GALNTL6: variants seen among roughly 807,000 people sequenced by gnomAD.
GALNTL6 encodes polypeptide N-acetylgalactosaminyltransferase like 6, also known as polypeptide N-acetylgalactosaminyltransferase-like 6.
A neutral mutation model predicts 73.7 loss-of-function variants in GALNTL6; 46 were observed. The observed-to-expected ratio is 0.62, with a 90% CI of 0.49 to 0.80. GALNTL6 has a LOEUF of 0.80. Ranked by LOEUF, GALNTL6 falls within the 30% of genes least tolerant of loss-of-function variation. The pLI is 0.00. For missense variants in GALNTL6, 604 were observed against 755.0 expected, an observed-to-expected ratio of 0.80 and a Z score of 2.34; for synonymous variants, 259 against 263.7, an observed-to-expected ratio of 0.98 and a Z score of 0.17.
At chr4:171,944,264 G>A (rs1211298202) in intron 2 of GALNTL6, among the ~76,000 whole-genome samples, 1 of 151,902 alleles carries the variant, frequency 6.6e-6, no homozygotes, top group African/African-American at 2.4e-5. Flanking sequence ...TATATTTTAG[G>A]GAAAACATTC....
intron 2 of GALNTL6, among the ~76,000 whole-genome samples, chr4:171,950,643 C>T (rs944587292): frequency 6.6e-6 from 1 of 151,866 alleles, no homozygotes; most frequent in African/African-American, 2.4e-5. Context: ...CCACGCCAGG[C>T]TAATTTTTGT....
At chr4:173,036,455 T>G (rs563469618) in intron 12 of GALNTL6, among the ~76,000 whole-genome samples, 28 of 152,242 alleles carry the variant, frequency 1.8e-4, no homozygotes, top group African/African-American at 6.0e-4. Context: ...CCCCTTTCAA[T>G]GAGCTACCTG....
chr4:171,951,988 T>C, intron 2 of GALNTL6, among the ~76,000 whole-genome samples: 1 of 151,860 alleles, frequency 6.6e-6, no homozygotes, highest in Non-Finnish European at 1.5e-5. Flanking sequence ...TGGAAAGAAA[T>C]AATGAGTATA....
chr4:172,148,427 C>T (rs549920104), intron 2 of GALNTL6, among the ~76,000 whole-genome samples: 1 of 151,764 alleles, frequency 6.6e-6, no homozygotes, highest in South Asian at 2.1e-4. Flanking sequence ...CAACCAAAAA[C>T]GTATTGTTAG....
intron 5 of GALNTL6, among the ~76,000 whole-genome samples, chr4:172,571,065 G>T (rs796402613): frequency 2.6e-5 from 4 of 152,272 alleles, no homozygotes; most frequent in African/African-American, 9.6e-5. Flanking sequence ...TTTGCCAACT[G>T]CTTACCCCCC....
intron 5 of GALNTL6, among the ~76,000 whole-genome samples, chr4:172,389,278 T>TG (rs530595728): frequency 1.5e-3 from 225 of 152,038 alleles, no homozygotes; most frequent in Non-Finnish European, 2.3e-3. Flanking sequence ...CAAAATGTTT[T>TG]AAAAATAACA....
intron 11 of GALNTL6, among the ~76,000 whole-genome samples, 171 bp downstream of exon 11, chr4:173,009,465 C>A (rs1342422396): frequency 6.6e-6 from 1 of 152,218 alleles, no homozygotes; most frequent in Non-Finnish European, 1.5e-5. Context: ...CACTTAATGT[C>A]TCTGTTTATG....
At chr4:173,039,631 T>A (rs1157497814) in intron 12 of GALNTL6, among the ~76,000 whole-genome samples, 1 of 152,166 alleles carries the variant, frequency 6.6e-6, no homozygotes, top group Non-Finnish European at 1.5e-5. Context: ...AGCAAAAAGC[T>A]CACCACAGAG....
rs397996287 is a variant in GALNTL6, at chr4:172,905,812, C to CAAAAAA, written c.1041+22924_1041+22929dup. Among the ~76,000 whole-genome samples the CAAAAAA allele has an allele frequency of 7.8e-4, 54 of 69,666 alleles. 1 individual carries two copies. The highest frequency in any genetic ancestry group is 1.5e-3 in the African/African-American group (28 of 18,590). The allele number at this position is 69,666 out of a possible 152,430, so 45.7% of individuals were successfully genotyped here. ...GAAAGACTTTCTCCTAGAGATCACTCAAAAAAAAAAAAAAAAAAAAAAAAG... is the reference window on the plus strand; with the variant it reads ...GAAAGACTTTCTCCTAGAGATCACTCAAAAAAAAAAAAAAAAAAAAAAAAAAAAAAG... On this transcript the variant is annotated intron_variant, in intron 8 of 12. Transcript: ENST00000506823.
chr4:171,965,550 G>A lies in GALNTL6; in HGVS notation c.138+150832G>A, dbSNP rs191612568. On this transcript the variant is annotated intron_variant, in intron 2 of 12. Transcript: ENST00000506823. ...GGGCACCTGTAATCCCAGCTACTTG[G>A]TAGGCTGAGGCAGGAGAATGGCATG... 2.0e-4 allele frequency among the ~76,000 whole-genome samples: 30 copies of A among 151,816 alleles called. No individual in the cohort carries two copies. In the East Asian group the frequency reaches 5.7e-3, roughly 29 times the overall value.
At chr4:172,541,578 G>A (rs902966596) in intron 5 of GALNTL6, among the ~76,000 whole-genome samples, 1 of 152,222 alleles carries the variant, frequency 6.6e-6, no homozygotes, top group African/African-American at 2.4e-5. Flanking sequence ...TTGGAAGAGG[G>A]CTGAGTAGGC....
At chr4:172,133,825 A>G (rs762047314) in intron 2 of GALNTL6, among the ~76,000 whole-genome samples, 40 of 152,372 alleles carry the variant, frequency 2.6e-4, no homozygotes, top group Non-Finnish European at 4.6e-4. Flanking sequence ...GTGACTGCTG[A>G]GAAGTAGAGA....
At chr4:172,236,978 G>A (rs1225244167) in intron 3 of GALNTL6, among the ~76,000 whole-genome samples, 3 of 152,142 alleles carry the variant, frequency 2.0e-5, no homozygotes, top group Non-Finnish European at 2.9e-5. Context: ...TTAGTTTCCT[G>A]TTCCTGCTTT....
At chr4:171,911,693 A>C (rs1737481453) in intron 2 of GALNTL6, among the ~76,000 whole-genome samples, 1 of 152,166 alleles carries the variant, frequency 6.6e-6, no homozygotes, top group African/African-American at 2.4e-5. Context: ...CAGAATTCCC[A>C]ACTGTCCATA....
At chr4:172,839,622 A>G (rs567605965) in intron 7 of GALNTL6, among the ~76,000 whole-genome samples, 1 of 152,340 alleles carries the variant, frequency 6.6e-6, no homozygotes, top group African/African-American at 2.4e-5. Flanking sequence ...AGATTTAATC[A>G]TTAGTAAAGG....
intron 5 of GALNTL6, among the ~76,000 whole-genome samples, chr4:172,470,670 A>G (rs888527502): frequency 1.3e-5 from 2 of 152,186 alleles, no homozygotes; most frequent in African/African-American, 4.8e-5. Context: ...AAGCCTTACT[A>G]CTTGTTAAAA....
At chr4:172,935,005 C>T (rs1228291203) in intron 9 of GALNTL6, among the ~76,000 whole-genome samples, 2 of 152,224 alleles carry the variant, frequency 1.3e-5, no homozygotes, top group Non-Finnish European at 2.9e-5. Context: ...CAATCAAAGC[C>T]ACTGGATCTG....
At chr4:172,123,559 T>G (rs1397091210) in intron 2 of GALNTL6, among the ~76,000 whole-genome samples, 1 of 140,644 alleles carries the variant, frequency 7.1e-6, no homozygotes, top group African/African-American at 2.7e-5. Context: ...TGGAGTGCAG[T>G]GGCACAATCT....
chr4:172,991,467 C>T (rs1391250915), intron 10 of GALNTL6, among the ~76,000 whole-genome samples: 3 of 151,902 alleles, frequency 2.0e-5, no homozygotes, highest in Non-Finnish European at 2.9e-5. Flanking sequence ...GGCATGATCT[C>T]GGCTCACTGC....
Sources: gnomAD v4.1 joint callset for allele counts (sites outside exome capture counted in the v4.1 genomes callset) on GRCh38, gnomAD v4.1.1 for gene constraint, MANE v1.5 for transcripts, NCBI Gene and HGNC (gene_info 2026-07-23, HGNC 2026-07-21) for gene names.